Variants in DIP2A observed in about 807,000 individuals in gnomAD.
DIP2A encodes the protein disco-interacting protein 2 homolog A.
A neutral mutation model predicts 177.4 loss-of-function variants in DIP2A; 85 were observed. The ratio of observed to expected loss-of-function variants is 0.48; its 90% CI spans 0.40 to 0.57. The LOEUF is 0.57. Among genes scored for constraint, DIP2A ranks in the 20% least tolerant of loss-of-function variants. The pLI is 0.00. For synonymous variants in DIP2A, 886 were observed against 881.8 expected (o/e 1.00, Z -0.08); for missense variants, 1,791 against 2,100.2 (o/e 0.85, Z 2.88).
At chr21:46,459,700 A>G (rs1165279177) in intron 1 of DIP2A, among the ~76,000 whole-genome samples, 1 of 148,776 alleles carries the variant, frequency 6.7e-6, no homozygotes, top group African/African-American at 2.5e-5. Flanking sequence ...CGCCTCTCAT[A>G]CAAGGACCCC....
chr21:46,555,570 G>A (rs971139101), intron 28 of DIP2A: 5 of 207,096 alleles, frequency 2.4e-5, no homozygotes, highest in African/African-American at 7.1e-5. Flanking sequence ...ATGGGGCCAC[G>A]AGAACTTGAT....
At chr21:46,515,259 T>C (rs1301901437) in intron 8 of DIP2A, among the ~76,000 whole-genome samples, 1 of 152,208 alleles carries the variant, frequency 6.6e-6, no homozygotes, top group Non-Finnish European at 1.5e-5. Context: ...TCTGTTAGCA[T>C]GGACTTTCCT....
chr21:46,480,776 C>T (rs369142668), intron 1 of DIP2A, among the ~76,000 whole-genome samples: 28 of 152,198 alleles, frequency 1.8e-4, no homozygotes, highest in Admixed American at 2.0e-4. Context: ...ACCTTGGAGG[C>T]GGTAAAAGTG....
At chr21:46,519,312 T>C (rs2058718587) in intron 8 of DIP2A, among the ~76,000 whole-genome samples, 1 of 152,182 alleles carries the variant, frequency 6.6e-6, no homozygotes, top group South Asian at 2.1e-4. Flanking sequence ...TATCTCATCC[T>C]GTGACTTAGA....
chr21:46,510,809 A>G (rs530025981), intron 7 of DIP2A, among the ~76,000 whole-genome samples: 1 of 151,268 alleles, frequency 6.6e-6, no homozygotes, highest in East Asian at 1.9e-4. Flanking sequence ...TTTTTTTTGT[A>G]TTTTTAGTAG....
intron 3 of DIP2A, among the ~76,000 whole-genome samples, chr21:46,494,014 G>A (rs979477698): frequency 3.9e-5 from 6 of 152,072 alleles, no homozygotes; most frequent in Non-Finnish European, 5.9e-5. Flanking sequence ...TAATATTCTC[G>A]ATCTCTGTCA....
chr21:46,541,644 G>A (rs2059821913), intron 17 of DIP2A, 112 bp from the exon 18 acceptor site: 8 of 1,279,372 alleles, frequency 6.3e-6, no homozygotes, highest in Non-Finnish European at 8.9e-6. Context: ...TCACAAGTCT[G>A]TAACATGGAG....
At chr21:46,561,669 C>G (rs1555915598) in intron 33 of DIP2A, 79 bp from the exon 34 acceptor site, 9 of 1,552,026 alleles carry the variant, frequency 5.8e-6, no homozygotes, top group Non-Finnish European at 2.7e-6. Flanking sequence ...GTGATCATTT[C>G]CAACGTCATG....
At chr21:46,474,434 C>A (rs1451868180) in intron 1 of DIP2A, among the ~76,000 whole-genome samples, 1 of 152,066 alleles carries the variant, frequency 6.6e-6, no homozygotes, top group Non-Finnish European at 1.5e-5. Flanking sequence ...CTCTGAGGAA[C>A]CCAAATCCAT....
rs111807133 is a variant in DIP2A, at chr21:46,565,216, C to T, written c.4165-497C>T. Among the ~76,000 whole-genome samples the T allele has an allele frequency of 3.0e-4, 46 of 152,366 alleles. 1 individual carries two copies. Among genetic ancestry groups the T allele is most frequent in the Middle Eastern group, 3.4e-3 (1 of 294 alleles). On this transcript the variant is annotated intron_variant, in intron 35 of 37. Transcript: ENST00000417564. ...ACACGTGGACAGGTGGATACACACA[C>T]GTGAACACGGATAGCGGACGCACAC...
At position 46,556,455 on chromosome 21, in the gene DIP2A, G is replaced by T. The variant is rs949660544; in HGVS notation, c.3498+364G>T. On this transcript the variant is annotated intron_variant, in intron 29 of 37. Coordinates refer to ENST00000417564, the MANE Select transcript of DIP2A (RefSeq NM_015151.4). This position sits in a 1 kb window ranked among gnomAD's most constrained non-coding sequence, Gnocchi z 4.5. ...TCCCAGCACTTCGGGAGGCCGAGGC[G>T]GGTGGATCACAAGATCAAGAGATGG... is the stretch of plus-strand genomic sequence containing the variant. 3 of 1,146,216 alleles carry T rather than the reference G, an allele frequency of 2.6e-6. No individual in the cohort carries two copies. The highest frequency in any genetic ancestry group is 3.5e-6 in the Non-Finnish European group (3 of 848,888). The allele number at this position is 1,146,216 out of a possible 1,614,324, so 71.0% of individuals were successfully genotyped here.
At chr21:46,561,632 C>A in intron 33 of DIP2A, 116 bp from the exon 34 acceptor site, 1 of 1,337,332 alleles carries the variant, frequency 7.5e-7, no homozygotes, top group South Asian at 1.2e-5. Context: ...AGGTTGACAT[C>A]CTGACTGTTG....
At chr21:46,524,290 C>T (rs1175449103) in intron 8 of DIP2A, among the ~76,000 whole-genome samples, 1 of 152,174 alleles carries the variant, frequency 6.6e-6, no homozygotes, top group African/African-American at 2.4e-5. Context: ...CTCTAACCTT[C>T]CCAAGTTGGG....
chr21:46,486,377 T>C (rs2056697970), intron 2 of DIP2A, among the ~76,000 whole-genome samples: 1 of 152,124 alleles, frequency 6.6e-6, no homozygotes, highest in Admixed American at 6.6e-5. Flanking sequence ...GCTTACTGAT[T>C]GAGATGGGGT....
Position 46,556,168 on chromosome 21 carries a change from T to G in DIP2A, c.3498+77T>G. The G allele has an allele frequency of 6.9e-7, 1 of 1,449,358 alleles. No homozygotes were observed. Among genetic ancestry groups the G allele is most frequent in the South Asian group, 1.2e-5 (1 of 85,754 alleles). 89.8% of individuals were successfully genotyped at this position (1,449,358 alleles called of 1,614,324 possible). A position where few individuals can be genotyped will look rare whatever the true frequency, so the allele number is the denominator to read the frequency against. ...GGACAGAAAGGATGTCAGATGCAGA[T>G]TTAAACTGACAGGTCCTTCTTATGC... On this transcript the variant is annotated intron_variant, in intron 29 of 37. Coordinates refer to ENST00000417564, the MANE Select transcript of DIP2A (RefSeq NM_015151.4). The surrounding 1 kb of genome is among the most constrained non-coding windows in gnomAD (Gnocchi z 4.5).
chr21:46,569,058 C>T lies in DIP2A; in HGVS notation c.*1436C>T, dbSNP rs1284267050. 1 of 152,122 alleles carries T rather than the reference C, an allele frequency of 6.6e-6. No individual in the cohort carries two copies. The highest frequency in any genetic ancestry group is 1.5e-5 in the Non-Finnish European group (1 of 68,036). The allele number at this position is 152,122 out of a possible 1,614,324, so 9.4% of individuals were successfully genotyped here. A position where few individuals can be genotyped will look rare whatever the true frequency, so the allele number is the denominator to read the frequency against. On this transcript the variant is annotated 3_prime_UTR_variant, in exon 38 of 38. Transcript: ENST00000417564. ...TTACTTCTAAGAATTTGAAGTCAAGCACGAATCTAAGACATAGATTATTTT... is the reference window on the plus strand; with the variant it reads ...TTACTTCTAAGAATTTGAAGTCAAGTACGAATCTAAGACATAGATTATTTT...
chr21:46,568,520 A>T lies in DIP2A; in HGVS notation c.*898A>T, dbSNP rs1465664342. ...GGGTGACAGCACGAGATGCCGTCTT[A>T]AAAAAACAAAAAAGAGGTGTGCTGC... On this transcript the variant is annotated 3_prime_UTR_variant, in exon 38 of 38. Coordinates refer to ENST00000417564, the MANE Select transcript of DIP2A (RefSeq NM_015151.4). The T allele has an allele frequency of 6.6e-6, 1 of 152,088 alleles. No homozygotes were observed. The highest frequency in any genetic ancestry group is 1.5e-5 in the Non-Finnish European group (1 of 68,034). 9.4% of individuals were successfully genotyped at this position (152,088 alleles called of 1,614,324 possible).
At chr21:46,554,447 G>T (rs997167913) in intron 26 of DIP2A, 128 bp from the exon 27 acceptor site, 1 of 1,541,454 alleles carries the variant, frequency 6.5e-7, no homozygotes. Flanking sequence ...AGCTACCCCT[G>T]TGGAAACCCA....
intron 1 of DIP2A, among the ~76,000 whole-genome samples, chr21:46,476,257 T>G (rs1030529273): frequency 6.6e-6 from 1 of 151,168 alleles, no homozygotes; most frequent in African/African-American, 2.4e-5. Flanking sequence ...AAAAAAAAAA[T>G]TATGATGATT....
Sources: allele counts gnomAD v4.1 joint callset (sites outside exome capture counted in the v4.1 genomes callset), GRCh38; gene constraint gnomAD v4.1.1; non-coding constraint Gnocchi (gnomAD v3.1); transcripts MANE v1.5; gene names NCBI Gene and HGNC (gene_info 2026-07-23, HGNC 2026-07-21).